The following SRGAP2C variants were observed in gnomAD, a reference collection of about 807,000 sequenced individuals.
SRGAP2C encodes the protein SLIT-ROBO Rho GTPase-activating protein 2C.
Under a neutral mutation model 25.1 loss-of-function variants are expected in SRGAP2C, and 15 were observed. The ratio of observed to expected loss-of-function variants is 0.60; its 90% CI spans 0.40 to 0.92. The LOEUF is 0.92. Ranked by LOEUF, SRGAP2C falls within the 40% of genes least tolerant of loss-of-function variation. The pLI is 0.00. For missense variants in SRGAP2C, 144 were observed against 264.4 expected, an observed-to-expected ratio of 0.54 and a Z score of 3.16; for synonymous variants, 44 against 96.6, an observed-to-expected ratio of 0.46 and a Z score of 3.19.
At position 121,299,527 on chromosome 1, in the gene SRGAP2C, A is replaced by G. The variant is rs1657658354; in HGVS notation, c.260+14532A>G. On this transcript the variant is annotated intron_variant, in intron 3 of 9. Coordinates refer to ENST00000367123, the MANE Select transcript of SRGAP2C (RefSeq NM_001329984.2). The stretch of plus-strand genomic sequence containing the variant: ...CTGCGTCTTAATATATTTAGGGTGC[A>G]GCTGGTTAAAGAGCCAGGATTAGAA... Among the ~76,000 whole-genome samples the G allele has an allele frequency of 2.6e-5, 2 of 78,150 alleles. 1 individual carries two copies. The highest frequency in any genetic ancestry group is 5.0e-5 in the Non-Finnish European group (2 of 40,006). 51.3% of individuals were successfully genotyped at this position (78,150 alleles called of 152,430 possible). A position where few individuals can be genotyped will look rare whatever the true frequency, so the allele number is the denominator to read the frequency against.
At chr1:121,338,934 T>A (rs1658582011) in intron 4 of SRGAP2C, among the ~76,000 whole-genome samples, 1 of 148,976 alleles carries the variant, frequency 6.7e-6, no homozygotes, top group African/African-American at 2.5e-5. Flanking sequence ...AAAGAAAAAA[T>A]TTTAAAAAGT....
At chr1:121,223,560 AG>A (rs1558085693) in intron 2 of SRGAP2C, among the ~76,000 whole-genome samples, 2 of 52,144 alleles carry the variant, frequency 3.8e-5, no homozygotes, top group Non-Finnish European at 7.2e-5. Context: ...TGGAGGGCAT[AG>A]TGCCCATCTC....
intron 2 of SRGAP2C, among the ~76,000 whole-genome samples, chr1:121,222,770 T>C (rs1433156340): frequency 6.6e-6 from 1 of 152,128 alleles, no homozygotes; most frequent in Non-Finnish European, 1.5e-5. Flanking sequence ...CTAGCCCTTG[T>C]TTTCATTTAT....
At chr1:121,187,774 C>G (rs587647018) in intron 2 of SRGAP2C, among the ~76,000 whole-genome samples, 1 of 152,042 alleles carries the variant, frequency 6.6e-6, no homozygotes, top group Non-Finnish European at 1.5e-5. Context: ...CCCTTTCCCC[C>G]CAAGCCGGAC....
At chr1:121,283,948 T>C (rs1657306201) in intron 2 of SRGAP2C, among the ~76,000 whole-genome samples, 9 of 147,760 alleles carry the variant, frequency 6.1e-5, no homozygotes, top group Admixed American at 6.1e-4. Flanking sequence ...ACAAGGACCC[T>C]GACCAGCCAG....
At chr1:121,315,085 G>C (rs1284155398) in intron 3 of SRGAP2C, 1 of 769,788 alleles carries the variant, frequency 1.3e-6, no homozygotes, top group Non-Finnish European at 2.0e-6. Context: ...GAACTGGCGG[G>C]GTGAGGCGAA....
chr1:121,304,888 C>T (rs1406177555), intron 3 of SRGAP2C, among the ~76,000 whole-genome samples: 26 of 151,450 alleles, frequency 1.7e-4, no homozygotes, highest in African/African-American at 2.9e-4. Flanking sequence ...TTTTCCTCTC[C>T]GGAATGGGGT....
intron 2 of SRGAP2C, among the ~76,000 whole-genome samples, chr1:121,270,831 C>T (rs1159310871): frequency 2.1e-5 from 3 of 146,260 alleles, no homozygotes; most frequent in Admixed American, 1.4e-4. Flanking sequence ...CTCGCTCTGT[C>T]GCCCAGGCTG....
At chr1:121,210,317 TAAA>T (rs199765258) in intron 2 of SRGAP2C, among the ~76,000 whole-genome samples, 9 of 139,706 alleles carry the variant, frequency 6.4e-5, no homozygotes, top group Non-Finnish European at 7.7e-5. Flanking sequence ...ATCAGCGCTT[TAAA>T]AAAAAAAAAA....
chr1:121,391,039 T>TG lies in SRGAP2C; in HGVS notation c.*3184_*3185insG, dbSNP rs1480269938. The stretch of plus-strand genomic sequence containing the variant: ...CTGGGTGACAGAGTAAGACTCTGCC[T>TG]AAAAAAAAAAAAAGAAAGATTAAAA... On this transcript the variant is annotated 3_prime_UTR_variant, in exon 10 of 10. Coordinates refer to ENST00000367123, the MANE Select transcript of SRGAP2C (RefSeq NM_001329984.2). 4.3e-5 allele frequency: 4 copies of TG among 92,174 alleles called. No homozygotes were observed. Among genetic ancestry groups the TG allele is most frequent in the African/African-American group, 1.6e-4 (4 of 24,282 alleles). The allele number at this position is 92,174 out of a possible 1,614,324, so 5.7% of individuals were successfully genotyped here.
intron 5 of SRGAP2C, among the ~76,000 whole-genome samples, chr1:121,367,106 A>G (rs1369345235): frequency 2.6e-5 from 4 of 151,968 alleles, no homozygotes; most frequent in African/African-American, 9.7e-5. Context: ...GCCATGGTCA[A>G]CATACAGCAT....
At chr1:121,314,007 A>G (rs1417952809) in intron 3 of SRGAP2C, among the ~76,000 whole-genome samples, 1 of 134,460 alleles carries the variant, frequency 7.4e-6, no homozygotes, top group Non-Finnish European at 1.6e-5. Flanking sequence ...CCTGGATAAT[A>G]TCCTGCAGAG....
In SRGAP2C at chr1:121,351,642, TA is replaced by T. The variant is rs1333477469; in HGVS notation, c.424-13648del. Among the ~76,000 whole-genome samples, 560 of 147,486 alleles carry T rather than the reference TA, an allele frequency of 3.8e-3. 3 individuals are homozygous for T. Among genetic ancestry groups the T allele is most frequent in the African/African-American group, 0.013 (526 of 39,010 alleles). ...ATAAATAAATAAATAAATAAATAAATAAATAAATAACCAAAAAGTGGAAGCA... is the reference window on the plus strand; with the variant it reads ...ATAAATAAATAAATAAATAAATAAATAATAAATAACCAAAAAGTGGAAGCA... On this transcript the variant is annotated intron_variant, in intron 4 of 9. Coordinates refer to ENST00000367123, the MANE Select transcript of SRGAP2C (RefSeq NM_001329984.2).
At chr1:121,328,222 G>A (rs1310295045) in intron 4 of SRGAP2C, among the ~76,000 whole-genome samples, 6,624 of 151,832 alleles carry the variant, frequency 0.044, 463 homozygotes, top group African/African-American at 0.15. Flanking sequence ...ACATAAAATA[G>A]ATATGTTTTA....
chr1:121,308,690 G>A (rs1657906844), intron 3 of SRGAP2C, among the ~76,000 whole-genome samples: 1 of 151,632 alleles, frequency 6.6e-6, no homozygotes, highest in African/African-American at 2.4e-5. Flanking sequence ...TGTAATCCCA[G>A]CACTTTGGGA....
At chr1:121,195,177 A>G (rs1184966693) in intron 2 of SRGAP2C, among the ~76,000 whole-genome samples, 109 of 152,188 alleles carry the variant, frequency 7.2e-4, no homozygotes, top group Middle Eastern at 6.8e-3. Flanking sequence ...TTGAGAGGCC[A>G]AGGCAGATGG....
At chr1:121,337,832 T>G (rs1378193544) in intron 4 of SRGAP2C, among the ~76,000 whole-genome samples, 4 of 119,196 alleles carry the variant, frequency 3.4e-5, no homozygotes, top group Non-Finnish European at 6.8e-5. Context: ...GCAATAATTT[T>G]TTTAAAAAAA....
chr1:121,313,610 G>A (rs1355366050), intron 3 of SRGAP2C, among the ~76,000 whole-genome samples: 101 of 128,566 alleles, frequency 7.9e-4, no homozygotes, highest in African/African-American at 1.4e-3. Flanking sequence ...AGCTCTTTTA[G>A]GGCAGGCCTG....
chr1:121,287,624 T>A (rs1657399370), intron 3 of SRGAP2C, among the ~76,000 whole-genome samples: 1 of 152,212 alleles, frequency 6.6e-6, no homozygotes, highest in Non-Finnish European at 1.5e-5. Flanking sequence ...TCAGATGTGT[T>A]AATCTCCAAG....
Sources: gnomAD v4.1 joint callset for allele counts (sites outside exome capture counted in the v4.1 genomes callset) on GRCh38, gnomAD v4.1.1 for gene constraint, MANE v1.5 for transcripts, NCBI Gene and HGNC (gene_info 2026-07-23, HGNC 2026-07-21) for gene names.